Variants in SV2B observed in about 807,000 individuals in gnomAD.
SV2B encodes the protein solute carrier family 22 member B2.
In SV2B, 41 loss-of-function variants were observed where a neutral mutation model predicts 73.9. The observed-to-expected ratio is 0.56, with a 90% CI of 0.43 to 0.72. The LOEUF is 0.72. SV2B is among the 30% of genes least tolerant of loss of function. The probability of loss-of-function intolerance (pLI) is 0.00; values close to 1 mark genes in which losing one functional copy is unlikely to be tolerated. For missense variants in SV2B, 764 were observed against 857.8 expected, an observed-to-expected ratio of 0.89 and a Z score of 1.37; for synonymous variants, 314 against 314.2, an observed-to-expected ratio of 1.00 and a Z score of 0.01.
Position 91,241,743 on chromosome 15 carries a change from T to A in SV2B, c.452-10076T>A, listed in dbSNP as rs1014882794. ...TCCCTGTATCCCATCCCCTCTCACC[T>A]CCCCAGAACATCACTTTTGTAATCC... On this transcript the variant is annotated intron_variant, in intron 2 of 12. Coordinates refer to ENST00000394232, the MANE Select transcript of SV2B (RefSeq NM_001323032.3). The surrounding 1 kb of genome is among the most constrained non-coding windows in gnomAD (Gnocchi z 4.8). 6.6e-6 allele frequency among the ~76,000 whole-genome samples: 1 copy of A among 152,020 alleles called. No homozygotes were observed. The highest frequency in any genetic ancestry group is 1.5e-5 in the Non-Finnish European group (1 of 68,000).
intron 1 of SV2B, among the ~76,000 whole-genome samples, chr15:91,164,299 C>T (rs1274019757): frequency 3.3e-5 from 5 of 152,138 alleles, no homozygotes; most frequent in African/African-American, 9.7e-5. Flanking sequence ...CAAGACAACG[C>T]TAAGCAAAAA....
At chr15:91,196,873 C>A (rs8038323) in intron 1 of SV2B, among the ~76,000 whole-genome samples, 96,380 of 151,992 alleles carry the variant, frequency 0.63, 31,247 homozygotes, top group African/African-American at 0.73. Flanking sequence ...CTGAGGTTCT[C>A]GCCAAGCAGG....
intron 1 of SV2B, among the ~76,000 whole-genome samples, chr15:91,171,904 C>T (rs1011878258): frequency 3.9e-5 from 6 of 152,184 alleles, no homozygotes; most frequent in African/African-American, 1.4e-4. Context: ...TATCCACTCC[C>T]TCTTCACACC....
chr15:91,291,188 GTT>G (rs553445116), intron 12 of SV2B, among the ~76,000 whole-genome samples: 1 of 150,212 alleles, frequency 6.7e-6, no homozygotes, highest in Non-Finnish European at 1.5e-5. Context: ...TTTTTATTTA[GTT>G]TTTTTTCTAA....
chr15:91,269,857 C>T (rs979904014), intron 9 of SV2B, among the ~76,000 whole-genome samples: 1 of 152,126 alleles, frequency 6.6e-6, no homozygotes, highest in Non-Finnish European at 1.5e-5. Flanking sequence ...TGCTGAAGCC[C>T]AGTTGCAGAC....
chr15:91,101,538 G>C (rs1203657057), intron 1 of SV2B, among the ~76,000 whole-genome samples: 2 of 152,152 alleles, frequency 1.3e-5, no homozygotes, highest in African/African-American at 4.8e-5. Flanking sequence ...AGAAGCACTC[G>C]TAATCAGGAG....
intron 9 of SV2B, among the ~76,000 whole-genome samples, chr15:91,273,848 C>G (rs2048396448): frequency 6.6e-6 from 1 of 152,150 alleles, no homozygotes; most frequent in Non-Finnish European, 1.5e-5. Context: ...AAGTTTGGTG[C>G]TTTACATTCA....
chr15:91,189,035 A>C (rs1490148780), intron 1 of SV2B, among the ~76,000 whole-genome samples: 1 of 152,066 alleles, frequency 6.6e-6, no homozygotes, highest in African/African-American at 2.4e-5. Flanking sequence ...CATGTTGGTC[A>C]GGCGGGTCTC....
chr15:91,127,837 A>G (rs1344953846), intron 1 of SV2B, among the ~76,000 whole-genome samples: 2 of 152,204 alleles, frequency 1.3e-5, no homozygotes, highest in South Asian at 2.1e-4. Context: ...GGGGTTTGCC[A>G]GAATTTCTGT....
At position 91,251,869 on chromosome 15, in the gene SV2B, C is replaced by T; in HGVS notation, c.502C>T (p.Leu168=). The T allele has an allele frequency of 6.2e-7, 1 of 1,614,198 alleles. No homozygotes were observed. The highest frequency in any genetic ancestry group is 1.6e-4 in the Middle Eastern group (1 of 6,062). ...MMAGAFILGG[L]ADKLGRKRVL... is the part of the protein sequence containing the mutation. ...GGCGGGCGCCTTCATCCTGGGAGGCCTGGCTGATAAGCTGGGAAGGAAGCG... is the reference window on the plus strand; with the variant it reads ...GGCGGGCGCCTTCATCCTGGGAGGCTTGGCTGATAAGCTGGGAAGGAAGCG... Residue 168 remains leucine (L), a synonymous_variant, in exon 3 of 13, where the codon CTG becomes TTG. Coordinates refer to ENST00000394232, the MANE Select transcript of SV2B (RefSeq NM_001323032.3).
chr15:91,155,599 G>A (rs960886364), intron 1 of SV2B, among the ~76,000 whole-genome samples: 3 of 152,174 alleles, frequency 2.0e-5, no homozygotes, highest in Non-Finnish European at 4.4e-5. Flanking sequence ...CGTGTCTCAT[G>A]ACTGAGTGTT....
Position 91,234,539 on chromosome 15 carries a change from T to C in SV2B, c.451+7825T>C, listed in dbSNP as rs1204619639. ...TAGACCTGTGGTACTGGCTAGTTCA[T>C]TGTGGCATTTTTAGAAATGAAATAA... On this transcript the variant is annotated intron_variant, in intron 2 of 12. Transcript: ENST00000394232. The surrounding 1 kb of genome is among the most constrained non-coding windows in gnomAD (Gnocchi z 5.6). Among the ~76,000 whole-genome samples the C allele has an allele frequency of 6.6e-6, 1 of 152,138 alleles. No individual in the cohort carries two copies. The highest frequency in any genetic ancestry group is 1.5e-5 in the Non-Finnish European group (1 of 68,010).
At chr15:91,151,674 C>T (rs1460448861) in intron 1 of SV2B, among the ~76,000 whole-genome samples, 1 of 152,142 alleles carries the variant, frequency 6.6e-6, no homozygotes, top group Non-Finnish European at 1.5e-5. Flanking sequence ...GTAAATTGAA[C>T]CCAGGCTCCC....
chr15:91,200,665 T>G (rs569264337), intron 1 of SV2B, among the ~76,000 whole-genome samples: 1 of 152,108 alleles, frequency 6.6e-6, no homozygotes, highest in Non-Finnish European at 1.5e-5. Context: ...AATTCCAACT[T>G]TGGGAGGCCA....
chr15:91,192,048 T>C (rs568802107), intron 1 of SV2B, among the ~76,000 whole-genome samples: 3 of 152,348 alleles, frequency 2.0e-5, no homozygotes, highest in African/African-American at 7.2e-5. Flanking sequence ...TACCTCATGC[T>C]GGTCTCTCTG....
intron 1 of SV2B, among the ~76,000 whole-genome samples, chr15:91,187,459 G>T: frequency 6.6e-6 from 1 of 152,160 alleles, no homozygotes; most frequent in Non-Finnish European, 1.5e-5. Flanking sequence ...TGTCCAATGT[G>T]CTGAAAGCTG....
At chr15:91,168,332 A>AG (rs1567308862) in intron 1 of SV2B, among the ~76,000 whole-genome samples, 3 of 78,320 alleles carry the variant, frequency 3.8e-5, no homozygotes, top group African/African-American at 1.3e-4. Flanking sequence ...GAGAGAGAGA[A>AG]AAGAAATTTC....
intron 1 of SV2B, among the ~76,000 whole-genome samples, chr15:91,176,544 C>T (rs531412819): frequency 6.6e-6 from 1 of 152,324 alleles, no homozygotes; most frequent in Admixed American, 6.5e-5. Flanking sequence ...ACATCCTCTC[C>T]AGTCCCTGTT....
rs2049431226 is a variant in SV2B, at chr15:91,301,128, G to A, written c.*8576G>A. On this transcript the variant is annotated 3_prime_UTR_variant, in exon 13 of 13. Transcript: ENST00000394232. This position sits in a 1 kb window ranked among gnomAD's most constrained non-coding sequence, Gnocchi z 4.3. ...CACAAGCTGTGAGTCATGAAAAGGA[G>A]GGTGCAGGTGATAGGCAAAGGGACC... 2 of 152,388 alleles carry A rather than the reference G, an allele frequency of 1.3e-5. No individual in the cohort carries two copies. Among genetic ancestry groups the A allele is most frequent in the South Asian group, 4.1e-4 (2 of 4,832 alleles). The allele number at this position is 152,388 out of a possible 1,614,324, so 9.4% of individuals were successfully genotyped here. A position where few individuals can be genotyped will look rare whatever the true frequency, so the allele number is the denominator to read the frequency against.
Sources: allele counts gnomAD v4.1 joint callset (sites outside exome capture counted in the v4.1 genomes callset), GRCh38; gene constraint gnomAD v4.1.1; non-coding constraint Gnocchi (gnomAD v3.1); transcripts MANE v1.5; gene names NCBI Gene and HGNC (gene_info 2026-07-23, HGNC 2026-07-21).